The following FHIT variants were observed in gnomAD, a reference collection of about 807,000 sequenced individuals.
FHIT encodes fragile histidine triad diadenosine triphosphatase.
In FHIT, 19 loss-of-function variants were observed where a neutral mutation model predicts 17.9. The ratio of observed to expected loss-of-function variants is 1.06; its 90% CI spans 0.74 to 1.56. The LOEUF (loss-of-function observed/expected upper bound fraction) is 1.56, where lower values mean the gene tolerates loss of function less well. Ranked by LOEUF, FHIT falls within the 40% of genes most tolerant of loss-of-function variation. The pLI is 0.00. For synonymous variants in FHIT, 81 were observed against 69.7 expected (o/e 1.16, Z -0.81); for missense variants, 248 against 189.2 (o/e 1.31, Z -1.82).
At chr3:59,770,291 A>G (rs947865936) in intron 8 of FHIT, among the ~76,000 whole-genome samples, 4 of 152,204 alleles carry the variant, frequency 2.6e-5, no homozygotes, top group Non-Finnish European at 5.9e-5. Flanking sequence ...TATATGTTGA[A>G]GCCCTAATCC....
chr3:59,760,933 C>G (rs1201496547), intron 8 of FHIT, among the ~76,000 whole-genome samples: 3 of 152,106 alleles, frequency 2.0e-5, no homozygotes, highest in Non-Finnish European at 4.4e-5. Flanking sequence ...GCCACTTCCG[C>G]CTCCTAAAGT....
chr3:60,917,851 A>G (rs542726554), intron 3 of FHIT, among the ~76,000 whole-genome samples: 36 of 152,340 alleles, frequency 2.4e-4, no homozygotes, highest in African/African-American at 8.7e-4. Context: ...ACTAGAATGT[A>G]ACTTCAATGA....
At chr3:60,418,049 T>C (rs902437504) in intron 5 of FHIT, among the ~76,000 whole-genome samples, 1 of 152,124 alleles carries the variant, frequency 6.6e-6, no homozygotes, top group Non-Finnish European at 1.5e-5. Flanking sequence ...AGGTTTAGAT[T>C]TTATGGCACA....
intron 5 of FHIT, among the ~76,000 whole-genome samples, chr3:60,274,358 T>C (rs1346400418): frequency 6.6e-6 from 1 of 152,132 alleles, no homozygotes; most frequent in African/African-American, 2.4e-5. Context: ...CTAATATATA[T>C]ATCACCATTT....
chr3:60,884,910 C>CAAA (rs71092651), intron 3 of FHIT, among the ~76,000 whole-genome samples: 3 of 110,282 alleles, frequency 2.7e-5, no homozygotes, highest in Admixed American at 9.5e-5. Context: ...GACCCTTTCT[C>CAAA]AAAAAAAAAA....
intron 7 of FHIT, among the ~76,000 whole-genome samples, chr3:59,936,941 G>A (rs926052218): frequency 3.9e-5 from 6 of 152,178 alleles, no homozygotes; most frequent in African/African-American, 1.4e-4. Context: ...AAAGAAACCA[G>A]AAAGTAGAAC....
chr3:59,964,438 AC>A (rs1361506634), intron 7 of FHIT, among the ~76,000 whole-genome samples: 1 of 152,092 alleles, frequency 6.6e-6, no homozygotes, highest in African/African-American at 2.4e-5. Context: ...GACATCCATT[AC>A]CCCATGTGAT....
intron 5 of FHIT, among the ~76,000 whole-genome samples, chr3:60,496,039 A>C (rs1369162396): frequency 1.3e-5 from 2 of 152,166 alleles, no homozygotes; most frequent in Non-Finnish European, 2.9e-5. Flanking sequence ...AGAAAACATT[A>C]ATACATTAGA....
intron 8 of FHIT, among the ~76,000 whole-genome samples, chr3:59,793,005 T>A (rs1699633689): frequency 6.6e-6 from 1 of 152,042 alleles, no homozygotes; most frequent in Non-Finnish European, 1.5e-5. Context: ...CTGTGACTGC[T>A]TGTTTATTCC....
intron 4 of FHIT, among the ~76,000 whole-genome samples, chr3:60,631,132 C>T (rs1185361487): frequency 6.6e-6 from 1 of 152,014 alleles, no homozygotes; most frequent in Non-Finnish European, 1.5e-5. Flanking sequence ...TCATTAGATG[C>T]TTAATGCTAT....
intron 2 of FHIT, among the ~76,000 whole-genome samples, chr3:61,044,718 AG>A (rs2033698072): frequency 6.6e-6 from 1 of 152,232 alleles, no homozygotes; most frequent in South Asian, 2.1e-4. Context: ...AAAAATATTA[AG>A]GGCAGCCAGA....
At chr3:60,363,256 C>A (rs1229105062) in intron 5 of FHIT, among the ~76,000 whole-genome samples, 2 of 152,158 alleles carry the variant, frequency 1.3e-5, no homozygotes, top group Non-Finnish European at 2.9e-5. Context: ...CTGAATCACT[C>A]CCCAGCTCCA....
At chr3:59,976,697 A>G (rs1325279407) in intron 7 of FHIT, among the ~76,000 whole-genome samples, 2 of 152,130 alleles carry the variant, frequency 1.3e-5, no homozygotes, top group Admixed American at 1.3e-4. Context: ...TTGCCTTAGC[A>G]CTTTCCAAAT....
chr3:61,075,960 G>A (rs2034958505), intron 2 of FHIT, among the ~76,000 whole-genome samples: 1 of 152,078 alleles, frequency 6.6e-6, no homozygotes, highest in Non-Finnish European at 1.5e-5. Flanking sequence ...CTTCCAATGT[G>A]GTAAGAATTG....
intron 8 of FHIT, among the ~76,000 whole-genome samples, chr3:59,814,821 C>A (rs891037355): frequency 2.0e-5 from 3 of 152,072 alleles, no homozygotes; most frequent in Non-Finnish European, 4.4e-5. Flanking sequence ...TGTGTAGTTC[C>A]CTTTGCTGAC....
intron 5 of FHIT, among the ~76,000 whole-genome samples, chr3:60,182,075 G>A (rs778601683): frequency 6.6e-6 from 1 of 152,172 alleles, no homozygotes; most frequent in African/African-American, 2.4e-5. Flanking sequence ...TTTTCAGAAC[G>A]ATATGAGATA....
chr3:60,153,364 GA>G lies in FHIT; in HGVS notation c.104-139213del, dbSNP rs71089587. On this transcript the variant is annotated intron_variant, in intron 5 of 9. Transcript: ENST00000492590. ...GGTAACTTTCACTCACAATTCACCA[GA>G]AAAAAAAAAAAAAAAAAAAAAGAGG... Among the ~76,000 whole-genome samples the G allele has an allele frequency of 5.7e-3, 606 of 106,474 alleles. 3 individuals carry two copies. Among genetic ancestry groups the G allele is most frequent in the African/African-American group, 0.018 (510 of 28,096 alleles). 69.9% of individuals were successfully genotyped at this position (106,474 alleles called of 152,430 possible).
intron 3 of FHIT, among the ~76,000 whole-genome samples, chr3:60,985,787 G>T (rs1349578336): frequency 6.6e-6 from 1 of 152,164 alleles, no homozygotes; most frequent in African/African-American, 2.4e-5. Flanking sequence ...AAACTTAGTG[G>T]CTTAAAACAA....
In FHIT at chr3:60,136,556, G is replaced by A. The variant is rs1381318092; in HGVS notation, c.104-122404C>T. The stretch of plus-strand genomic sequence containing the variant: ...CACAACTCCGTTTCATGAGGGCTGA[G>A]CCACTATCCAATTTCTATCCTTATA... On this transcript the variant is annotated intron_variant, in intron 5 of 9. Transcript: ENST00000492590. Among the ~76,000 whole-genome samples the A allele has an allele frequency of 2.0e-5, 3 of 152,232 alleles. No homozygotes were observed. The South Asian group carries it at 6.2e-4, about 32-fold the overall frequency.
Sources: gnomAD v4.1 joint callset for allele counts (sites outside exome capture counted in the v4.1 genomes callset) on GRCh38, gnomAD v4.1.1 for gene constraint, MANE v1.5 for transcripts, NCBI Gene and HGNC (gene_info 2026-07-23, HGNC 2026-07-21) for gene names.